Variants in PHF21B observed in about 807,000 individuals in gnomAD.
PHF21B encodes the protein PHD finger protein 4.
PHF21B carries 22 observed loss-of-function variants against 62.2 expected under a neutral mutation model. The observed-to-expected ratio is 0.35, with a 90% CI of 0.25 to 0.51. The LOEUF (loss-of-function observed/expected upper bound fraction) is 0.51, where lower values mean the gene tolerates loss of function less well. PHF21B is among the 20% of genes least tolerant of loss of function. The probability of loss-of-function intolerance (pLI) is 0.97; values close to 1 mark genes in which losing one functional copy is unlikely to be tolerated. For missense variants in PHF21B, 701 were observed against 707.9 expected (o/e 0.99, Z 0.11); for synonymous variants, 341 against 314.7 (o/e 1.08, Z -0.88).
chr22:44,977,446 G>A (rs55809619), intron 2 of PHF21B, among the ~76,000 whole-genome samples: 1 of 151,996 alleles, frequency 6.6e-6, no homozygotes, highest in African/African-American at 2.4e-5. Flanking sequence ...GCGCCTGTAA[G>A]CCCAGCTACT....
At chr22:44,900,571 G>A (rs546570195) in intron 5 of PHF21B, among the ~76,000 whole-genome samples, 1 of 152,236 alleles carries the variant, frequency 6.6e-6, no homozygotes, top group Non-Finnish European at 1.5e-5. Flanking sequence ...AAAGTGCTGA[G>A]ATTACAGGCG....
At chr22:44,960,700 A>T in intron 2 of PHF21B, among the ~76,000 whole-genome samples, 1 of 152,232 alleles carries the variant, frequency 6.6e-6, no homozygotes, top group Non-Finnish European at 1.5e-5. Flanking sequence ...TCACCAGTGA[A>T]TGAGGGTCTC....
At position 44,913,947 on chromosome 22, in the gene PHF21B, G is replaced by A. The variant is rs2071389492; in HGVS notation, c.706C>T (p.Pro236Ser). ...CTCTCGGGCTGCGTCTGCACTTGAGGCTGAATGATGATGACCTGGAAGATG... is the reference window on the plus strand; with the variant it reads ...CTCTCGGGCTGCGTCTGCACTTGAGACTGAATGATGATGACCTGGAAGATG... Reference protein sequence around the residue: ...HGIFQVIIIQPQVQTQPESTA... With the variant: ...HGIFQVIIIQSQVQTQPESTA... The change falls in exon 5 of 13, where the codon CCT (proline) becomes TCT (serine). Residue 236 changes from proline (P) to serine (S), a missense_variant. Coordinates refer to ENST00000313237, the MANE Select transcript of PHF21B (RefSeq NM_138415.5). 1.2e-6 allele frequency: 2 copies of A among 1,613,178 alleles called. No individual in the cohort carries two copies. The highest frequency in any genetic ancestry group is 1.7e-6 in the Non-Finnish European group (2 of 1,179,710).
chr22:44,953,948 C>G (rs543288553), intron 2 of PHF21B, among the ~76,000 whole-genome samples: 2 of 152,338 alleles, frequency 1.3e-5, no homozygotes, highest in South Asian at 4.1e-4. Context: ...AAGCCAGGCT[C>G]GGCCCTGAAA....
intron 2 of PHF21B, among the ~76,000 whole-genome samples, chr22:44,936,435 G>A (rs1225720258): frequency 6.6e-6 from 1 of 152,182 alleles, no homozygotes; most frequent in East Asian, 1.9e-4. Flanking sequence ...GTCGCCTCCT[G>A]TCCCCAGCCC....
Position 45,009,968 on chromosome 22 carries a change from G to T in PHF21B, c.-419C>A. The stretch of plus-strand genomic sequence containing the variant: ...GCGCGCCTGGATCTCGTTGGGCCTC[G>T]GCAAAGTTGTGCCTCGGCACGATGC... On this transcript the variant is annotated 5_prime_UTR_variant, in exon 1 of 13. Coordinates refer to ENST00000313237, the MANE Select transcript of PHF21B (RefSeq NM_138415.5). This position sits in a 1 kb window ranked among gnomAD's most constrained non-coding sequence, Gnocchi z 5.9. 1 of 146,408 alleles carries T rather than the reference G, an allele frequency of 6.8e-6. No individual in the cohort carries two copies. The highest frequency in any genetic ancestry group is 1.8e-4 in the South Asian group (1 of 5,414). 9.1% of individuals were successfully genotyped at this position (146,408 alleles called of 1,614,324 possible). A position where few individuals can be genotyped will look rare whatever the true frequency, so the allele number is the denominator to read the frequency against.
At chr22:45,000,789 C>T (rs913129333) in intron 2 of PHF21B, 28 of 152,242 alleles carry the variant, frequency 1.8e-4, no homozygotes, top group African/African-American at 5.8e-4. Flanking sequence ...AGCAACAAGA[C>T]AAAAGTGCCC....
chr22:44,913,141 T>C (rs1384747125), intron 5 of PHF21B, among the ~76,000 whole-genome samples: 1 of 152,218 alleles, frequency 6.6e-6, no homozygotes, highest in Non-Finnish European at 1.5e-5. Context: ...CTTATTTATC[T>C]GGCCTCCTTC....
chr22:44,935,898 C>T (rs182255792), intron 2 of PHF21B, among the ~76,000 whole-genome samples: 4 of 152,282 alleles, frequency 2.6e-5, no homozygotes, highest in Admixed American at 6.5e-5. Context: ...GCTCCAACCT[C>T]GCACGAACCC....
intron 8 of PHF21B, 85 bp from the exon 9 acceptor site, chr22:44,889,867 G>A (rs896984837): frequency 7.3e-7 from 1 of 1,375,256 alleles, no homozygotes; most frequent in Admixed American, 2.9e-5. Flanking sequence ...GGCCTCATGT[G>A]GCAAGGGCTC....
At chr22:44,991,358 G>A (rs375070064) in intron 2 of PHF21B, among the ~76,000 whole-genome samples, 10 of 152,208 alleles carry the variant, frequency 6.6e-5, no homozygotes, top group African/African-American at 1.9e-4. Context: ...AGGGATTTCC[G>A]GTGCCTGGAA....
chr22:44,898,686 A>G (rs1209540170), intron 5 of PHF21B, among the ~76,000 whole-genome samples: 3 of 152,224 alleles, frequency 2.0e-5, no homozygotes, highest in Non-Finnish European at 2.9e-5. Flanking sequence ...AAACTTATCA[A>G]TATTTTCTTT....
chr22:44,924,650 T>C (rs1007370431), intron 2 of PHF21B, among the ~76,000 whole-genome samples: 2 of 152,246 alleles, frequency 1.3e-5, no homozygotes, highest in African/African-American at 4.8e-5. Flanking sequence ...CATCAGGAAC[T>C]GAATCTGCTG....
chr22:44,988,741 T>A (rs1420171935), intron 2 of PHF21B, among the ~76,000 whole-genome samples: 1 of 152,180 alleles, frequency 6.6e-6, no homozygotes. Context: ...AAAAGCATTG[T>A]GGAAGTTTAG....
chr22:44,928,181 C>T (rs1035475526), intron 2 of PHF21B, among the ~76,000 whole-genome samples: 7 of 152,126 alleles, frequency 4.6e-5, no homozygotes, highest in African/African-American at 9.7e-5. Context: ...ATCAGCTGTG[C>T]GGGACCCCTC....
intron 12 of PHF21B, among the ~76,000 whole-genome samples, chr22:44,884,342 CACCAT>C (rs1245251093): frequency 2.0e-3 from 198 of 101,368 alleles, no homozygotes; most frequent in African/African-American, 2.5e-3. Context: ...CCATCATTAG[CACCAT>C]CACCACCACG....
intron 5 of PHF21B, among the ~76,000 whole-genome samples, chr22:44,907,282 AG>A (rs1168157529): frequency 2.0e-5 from 3 of 152,242 alleles, no homozygotes; most frequent in African/African-American, 7.2e-5. Context: ...AGGCATCTGA[AG>A]GATGGCAGAA....
chr22:44,982,924 C>T (rs555862563), intron 2 of PHF21B, among the ~76,000 whole-genome samples: 18 of 152,178 alleles, frequency 1.2e-4, no homozygotes, highest in Middle Eastern at 3.4e-3. Flanking sequence ...TGATGCTCCC[C>T]AAGACAGAAT....
At chr22:45,008,349 G>A (rs567268456) in intron 2 of PHF21B, 196 bp downstream of exon 2, 13 of 467,364 alleles carry the variant, frequency 2.8e-5, no homozygotes, top group East Asian at 2.2e-4. Flanking sequence ...GCAGGGCCCG[G>A]CTCTCCCTGC....
Sources: allele counts gnomAD v4.1 joint callset (sites outside exome capture counted in the v4.1 genomes callset), GRCh38; gene constraint gnomAD v4.1.1; non-coding constraint Gnocchi (gnomAD v3.1); transcripts MANE v1.5; gene names NCBI Gene and HGNC (gene_info 2026-07-23, HGNC 2026-07-21).